PXDNL: variants seen among roughly 807,000 people sequenced by gnomAD.
The protein encoded by PXDNL is probable oxidoreductase PXDNL.
Under a neutral mutation model 150.8 loss-of-function variants are expected in PXDNL, and 145 were observed. The observed-to-expected ratio is 0.96, with a 90% CI of 0.84 to 1.10. The LOEUF is 1.10. Ranked by LOEUF, PXDNL falls within the 50% of genes least tolerant of loss-of-function variation. The probability of loss-of-function intolerance (pLI) is 0.00; values close to 1 mark genes in which losing one functional copy is unlikely to be tolerated. For missense variants in PXDNL, 2,087 were observed against 1,873.9 expected (o/e 1.11, Z -2.10); for synonymous variants, 757 against 725.7 (o/e 1.04, Z -0.69).
At chr8:51,370,197 A>C (rs1237596447) in intron 19 of PXDNL, among the ~76,000 whole-genome samples, 1 of 152,234 alleles carries the variant, frequency 6.6e-6, no homozygotes, top group Non-Finnish European at 1.5e-5. Flanking sequence ...TGTTTCCCTG[A>C]ATCACATATC....
At chr8:51,756,344 A>T (rs1225953319) in intron 1 of PXDNL, among the ~76,000 whole-genome samples, 1 of 151,514 alleles carries the variant, frequency 6.6e-6, no homozygotes, top group Non-Finnish European at 1.5e-5. Flanking sequence ...GTGAGTCCAG[A>T]TAGCATGATT....
chr8:51,359,087 C>T (rs1450829049), intron 19 of PXDNL, among the ~76,000 whole-genome samples: 1 of 152,098 alleles, frequency 6.6e-6, no homozygotes, highest in Admixed American at 6.5e-5. Flanking sequence ...CATAGCCCAG[C>T]CCAGTGAACC....
At chr8:51,572,481 A>T (rs1301386945) in intron 3 of PXDNL, among the ~76,000 whole-genome samples, 1 of 151,980 alleles carries the variant, frequency 6.6e-6, no homozygotes, top group Non-Finnish European at 1.5e-5. Context: ...ATACTGAATT[A>T]TTCATGAAGT....
intron 5 of PXDNL, among the ~76,000 whole-genome samples, chr8:51,486,019 G>A (rs1810725412): frequency 6.6e-6 from 1 of 152,114 alleles, no homozygotes; most frequent in Non-Finnish European, 1.5e-5. Flanking sequence ...CTTTATTTTT[G>A]CTAGGTAAAA....
At chr8:51,522,749 C>T (rs1811688393) in intron 4 of PXDNL, among the ~76,000 whole-genome samples, 1 of 152,000 alleles carries the variant, frequency 6.6e-6, no homozygotes, top group African/African-American at 2.4e-5. Flanking sequence ...GAGGCTGAGG[C>T]AGGAGAATCG....
intron 1 of PXDNL, among the ~76,000 whole-genome samples, chr8:51,754,190 G>C (rs2037074269): frequency 6.6e-6 from 1 of 152,186 alleles, no homozygotes; most frequent in Admixed American, 6.5e-5. Flanking sequence ...CACATATGTG[G>C]AGGGAACAGG....
chr8:51,409,651 C>T, intron 16 of PXDNL, 90 bp from the exon 17 acceptor site: 2 of 1,081,506 alleles, frequency 1.8e-6, no homozygotes, highest in Admixed American at 6.2e-5. Context: ...AACCACCTCC[C>T]ACCCCGCCCG....
At position 51,472,841 on chromosome 8, in the gene PXDNL, G is replaced by A. The variant is rs1204538934; in HGVS notation, c.695-537C>T. ...GAAAACACTTAAATTATTTCAATAA[G>A]AAGATGGAGTGATTGATTTTGTAAT... On this transcript the variant is annotated intron_variant, in intron 7 of 22. Coordinates refer to ENST00000356297, the MANE Select transcript of PXDNL (RefSeq NM_144651.5). Among the ~76,000 whole-genome samples the A allele has an allele frequency of 3.9e-5, 6 of 152,264 alleles. No homozygotes were observed. In the South Asian group the frequency reaches 8.3e-4, roughly 21 times the overall value.
intron 1 of PXDNL, among the ~76,000 whole-genome samples, chr8:51,668,588 G>A (rs1233181052): frequency 2.6e-5 from 4 of 152,142 alleles, no homozygotes; most frequent in Non-Finnish European, 5.9e-5. Context: ...TCTACAACAT[G>A]TCTGTACAAA....
chr8:51,382,839 T>C (rs191794068), intron 17 of PXDNL, among the ~76,000 whole-genome samples: 1 of 152,326 alleles, frequency 6.6e-6, no homozygotes, highest in Non-Finnish European at 1.5e-5. Flanking sequence ...AAATAGTACT[T>C]AGAAGTTTTA....
In PXDNL at chr8:51,736,789, T is replaced by G. The variant is rs189622485; in HGVS notation, c.164+72392A>C. The stretch of plus-strand genomic sequence containing the variant: ...TTCATCATTTCCTTCATCCCTTATT[T>G]CAACAAATATTCATTGCTGAAATCT... On this transcript the variant is annotated intron_variant, in intron 1 of 22. Coordinates refer to ENST00000356297, the MANE Select transcript of PXDNL (RefSeq NM_144651.5). Among the ~76,000 whole-genome samples the G allele has an allele frequency of 6.3e-4, 96 of 152,352 alleles. 2 individuals carry two copies. The Middle Eastern group carries it at 0.014, about 22-fold the overall frequency.
chr8:51,718,851 T>C (rs1229088610), intron 1 of PXDNL, among the ~76,000 whole-genome samples: 1 of 152,160 alleles, frequency 6.6e-6, no homozygotes, highest in East Asian at 1.9e-4. Context: ...AAAAGGTGGA[T>C]ATTTTCAATT....
intron 1 of PXDNL, among the ~76,000 whole-genome samples, chr8:51,764,450 A>G (rs2037203341): frequency 6.6e-6 from 1 of 150,766 alleles, no homozygotes; most frequent in African/African-American, 2.4e-5. Context: ...TACAACTCCA[A>G]ATATCTCTCT....
intron 10 of PXDNL, among the ~76,000 whole-genome samples, 164 bp downstream of exon 10, chr8:51,453,355 C>A (rs902538296): frequency 1.2e-4 from 18 of 152,174 alleles, no homozygotes; most frequent in African/African-American, 3.4e-4. Flanking sequence ...AAAAAAACAA[C>A]TTTTAACTTG....
At chr8:51,674,440 TG>T (rs1270243333) in intron 1 of PXDNL, among the ~76,000 whole-genome samples, 6 of 152,240 alleles carry the variant, frequency 3.9e-5, no homozygotes, top group African/African-American at 1.4e-4. Flanking sequence ...GTCATGAATT[TG>T]GAAAGAGAAA....
chr8:51,478,162 TAG>T (rs1388352715), intron 6 of PXDNL, among the ~76,000 whole-genome samples: 1 of 152,080 alleles, frequency 6.6e-6, no homozygotes, highest in Non-Finnish European at 1.5e-5. Flanking sequence ...CAAGGAGCAA[TAG>T]AGTCAATCAA....
chr8:51,462,951 G>A (rs904736492), intron 8 of PXDNL, among the ~76,000 whole-genome samples: 13 of 152,104 alleles, frequency 8.5e-5, no homozygotes, highest in African/African-American at 2.9e-4. Context: ...AACCTTGCAA[G>A]CCAGAAGAGA....
chr8:51,362,793 C>T (rs1806796715), intron 19 of PXDNL, among the ~76,000 whole-genome samples: 1 of 152,110 alleles, frequency 6.6e-6, no homozygotes, highest in Non-Finnish European at 1.5e-5. Flanking sequence ...TATAAGCTAG[C>T]TTTATGAAAA....
At chr8:51,788,560 T>A (rs944096858) in intron 1 of PXDNL, among the ~76,000 whole-genome samples, 3 of 152,222 alleles carry the variant, frequency 2.0e-5, no homozygotes, top group Non-Finnish European at 2.9e-5. Flanking sequence ...TGCTTCACAA[T>A]CTTAGACTTC....
Sources: gnomAD v4.1 joint callset for allele counts (sites outside exome capture counted in the v4.1 genomes callset) on GRCh38, gnomAD v4.1.1 for gene constraint, MANE v1.5 for transcripts, NCBI Gene and HGNC (gene_info 2026-07-23, HGNC 2026-07-21) for gene names.